The following AGBL1 variants were observed in gnomAD, a reference collection of about 807,000 sequenced individuals.
AGBL1 encodes the protein AGBL carboxypeptidase 1.
In AGBL1, 130 loss-of-function variants were observed where a neutral mutation model predicts 118.9. That is an observed-to-expected ratio of 1.09 (90% CI 0.95 to 1.26). AGBL1 has a LOEUF of 1.26. Among genes scored for constraint, AGBL1 ranks in the 50% most tolerant of loss-of-function variants. The probability of loss-of-function intolerance (pLI) is 0.00; values close to 1 mark genes in which losing one functional copy is unlikely to be tolerated. For synonymous variants in AGBL1, 555 were observed against 478.9 expected, an observed-to-expected ratio of 1.16 and a Z score of -2.08; for missense variants, 1,584 against 1,298.1, an observed-to-expected ratio of 1.22 and a Z score of -3.38.
At chr15:86,666,455 A>C (rs923932606) in intron 21 of AGBL1, among the ~76,000 whole-genome samples, 1 of 152,110 alleles carries the variant, frequency 6.6e-6, no homozygotes, top group African/African-American at 2.4e-5. Context: ...TTGTTTTAGG[A>C]TATAATCAGT....
At chr15:86,226,421 G>A (rs2078364060) in intron 6 of AGBL1, among the ~76,000 whole-genome samples, 1 of 152,160 alleles carries the variant, frequency 6.6e-6, no homozygotes, top group Non-Finnish European at 1.5e-5. Flanking sequence ...TTGGCATGGA[G>A]GACTTGATGT....
chr15:86,190,644 C>T (rs1353805298), intron 5 of AGBL1, among the ~76,000 whole-genome samples: 1 of 152,196 alleles, frequency 6.6e-6, no homozygotes, highest in African/African-American at 2.4e-5. Context: ...ATAACTGACT[C>T]AGGCTGTGTA....
intron 5 of AGBL1, among the ~76,000 whole-genome samples, chr15:86,198,944 A>C (rs564071099): frequency 9.8e-5 from 15 of 152,316 alleles, no homozygotes; most frequent in Admixed American, 7.8e-4. Flanking sequence ...AGAAGTTTCT[A>C]GAAAAAAATG....
chr15:86,986,162 G>A (rs560549008), intron 23 of AGBL1, among the ~76,000 whole-genome samples: 69 of 152,302 alleles, frequency 4.5e-4, no homozygotes, highest in African/African-American at 1.6e-3. Flanking sequence ...GGCCTCAGGT[G>A]ATCCACCCGC....
intron 17 of AGBL1, among the ~76,000 whole-genome samples, chr15:86,393,679 T>C (rs1055969198): frequency 2.0e-5 from 3 of 152,224 alleles, no homozygotes; most frequent in African/African-American, 7.2e-5. Flanking sequence ...CATCTCCTTC[T>C]TTCCAACATT....
At chr15:86,556,096 C>T in intron 21 of AGBL1, 1 of 655,060 alleles carries the variant, frequency 1.5e-6, no homozygotes, top group Non-Finnish European at 2.5e-6. Flanking sequence ...TTCAAACAAA[C>T]AGCTTCTAGT....
chr15:86,602,844 G>A (rs2084516868), intron 21 of AGBL1, among the ~76,000 whole-genome samples: 1 of 152,168 alleles, frequency 6.6e-6, no homozygotes, highest in South Asian at 2.1e-4. Flanking sequence ...ATCTCTTGAA[G>A]TCGATATCAA....
chr15:86,977,887 G>A (rs1373474312), intron 23 of AGBL1, among the ~76,000 whole-genome samples: 2 of 152,026 alleles, frequency 1.3e-5, no homozygotes, highest in African/African-American at 4.8e-5. Flanking sequence ...TCTTTAGCTT[G>A]TTTATTAAGT....
chr15:86,564,198 A>G lies in AGBL1; in HGVS notation c.2994+9661A>G, dbSNP rs540342874. ...ATAATGTTAACTGGTTATTTTGCTC[A>G]TTAGATGATGCAGTTTCTTCCTAGC... On this transcript the variant is annotated intron_variant, in intron 21 of 22. Coordinates refer to ENST00000614907, the MANE Select transcript of AGBL1 (RefSeq NM_001386094.1). Among the ~76,000 whole-genome samples, 158 of 152,292 alleles carry G rather than the reference A, an allele frequency of 1.0e-3. 1 individual carries two copies. The South Asian group carries it at 0.031, about 30-fold the overall frequency.
At chr15:87,011,240 A>G (rs1035852535) in intron 24 of AGBL1, among the ~76,000 whole-genome samples, 2 of 152,196 alleles carry the variant, frequency 1.3e-5, no homozygotes, top group Non-Finnish European at 2.9e-5. Flanking sequence ...GGAGACTACC[A>G]CATGGGAGGA....
In AGBL1 at chr15:86,522,939, G is replaced by A; in HGVS notation, c.2685G>A (p.Val895=). 6.2e-7 allele frequency: 1 copy of A among 1,613,736 alleles called. No individual in the cohort carries two copies. Among genetic ancestry groups the A allele is most frequent in the Non-Finnish European group, 8.5e-7 (1 of 1,179,702 alleles). The change falls in exon 19 of 23, where the codon GTG becomes GTA. Residue 895 remains valine (V), a splice_region_variant and synonymous_variant. Transcript: ENST00000614907. ...YHLSSIGRSP[V]VFCDFHGHSQ... ...TGAGCAGCATTGGCCGAAGTCCCGT[G>A]GTGAGTCACTTCCTTCTGCCTCCAC...
chr15:86,898,233 G>C (rs999015594), intron 22 of AGBL1, among the ~76,000 whole-genome samples: 13 of 152,182 alleles, frequency 8.5e-5, no homozygotes, highest in Admixed American at 6.5e-4. Context: ...TGTCTAAAAA[G>C]TAGCTTGACT....
intron 5 of AGBL1, among the ~76,000 whole-genome samples, chr15:86,171,554 A>G (rs953926716): frequency 5.9e-5 from 9 of 152,308 alleles, no homozygotes; most frequent in Middle Eastern, 3.4e-3. Flanking sequence ...CATCCAAAAG[A>G]AGCCAGGAAA....
At chr15:86,131,572 A>G (rs757152790) in intron 1 of AGBL1, among the ~76,000 whole-genome samples, 1 of 152,222 alleles carries the variant, frequency 6.6e-6, no homozygotes, top group Non-Finnish European at 1.5e-5. Context: ...GAATAATGAT[A>G]TCTAAATTTT....
rs573940966 is a variant in AGBL1, at chr15:86,357,316, A to G, written c.2375-40050A>G. ...GCTAATTTGTGTGATAATGAATTCTATGTCTTCTGAGGTAATTAAGTCAAA... is the reference window on the plus strand; with the variant it reads ...GCTAATTTGTGTGATAATGAATTCTGTGTCTTCTGAGGTAATTAAGTCAAA... On this transcript the variant is annotated intron_variant, in intron 17 of 22. Transcript: ENST00000614907. Among the ~76,000 whole-genome samples the G allele has an allele frequency of 1.5e-4, 23 of 152,302 alleles. 1 individual carries two copies. In the East Asian group the frequency reaches 2.5e-3, roughly 17 times the overall value.
intron 21 of AGBL1, among the ~76,000 whole-genome samples, chr15:86,670,588 G>C (rs1413799128): frequency 2.6e-5 from 3 of 116,582 alleles, no homozygotes; most frequent in Admixed American, 1.7e-4. Flanking sequence ...TGGGTGACAA[G>C]AGTGAAACTC....
chr15:86,154,869 G>A (rs971736674), intron 4 of AGBL1, among the ~76,000 whole-genome samples: 7 of 152,108 alleles, frequency 4.6e-5, no homozygotes, highest in African/African-American at 1.7e-4. Flanking sequence ...GTAAAAAAAG[G>A]TCTGTGACAG....
In AGBL1 at chr15:86,672,965, G is replaced by A. The variant is rs150169851; in HGVS notation, c.2995-1308G>A. On this transcript the variant is annotated intron_variant, in intron 21 of 22. Coordinates refer to ENST00000614907, the MANE Select transcript of AGBL1 (RefSeq NM_001386094.1). ...CTTTTGTGAGGCTTATGATTTCCCA[G>A]TTTGGAATTTTGTTTCTCCTTGAGG... Among the ~76,000 whole-genome samples, 260 of 152,220 alleles carry A rather than the reference G, an allele frequency of 1.7e-3. 4 individuals are homozygous for A. In the East Asian group the frequency reaches 0.021, roughly 12 times the overall value.
intron 3 of AGBL1, among the ~76,000 whole-genome samples, chr15:86,151,067 A>G (rs1049568621): frequency 6.8e-6 from 1 of 147,464 alleles, no homozygotes; most frequent in African/African-American, 2.5e-5. Context: ...AAAAACAAAC[A>G]CCGCATATTC....
Sources: gnomAD v4.1 joint callset for allele counts (sites outside exome capture counted in the v4.1 genomes callset) on GRCh38, gnomAD v4.1.1 for gene constraint, MANE v1.5 for transcripts, NCBI Gene and HGNC (gene_info 2026-07-23, HGNC 2026-07-21) for gene names.